BRD10: variants seen among roughly 807,000 people sequenced by gnomAD.
BRD10 encodes the protein uncharacterized bromodomain-containing protein 10.
chr9:5,975,826 T>G, the BRD10 span, among the ~76,000 whole-genome samples: 2 of 152,090 alleles, frequency 1.3e-5, no homozygotes, highest in Non-Finnish European at 2.9e-5. Context: ...AAAAAATACA[T>G]TATAAAAACA....
chr9:6,008,028 C>T, the BRD10 span: 2 of 1,182,434 alleles, frequency 1.7e-6, no homozygotes, highest in Non-Finnish European at 2.1e-6. Flanking sequence ...AGGTGCCCTC[C>T]TCTCCCCTCC....
the BRD10 span, among the ~76,000 whole-genome samples, chr9:5,928,506 T>C: frequency 6.6e-6 from 1 of 152,222 alleles, no homozygotes; most frequent in African/African-American, 2.4e-5. Context: ...TCTCTGACTC[T>C]TGCCTGTTAC....
the BRD10 span, among the ~76,000 whole-genome samples, chr9:5,976,873 C>G: frequency 6.6e-6 from 1 of 151,880 alleles, no homozygotes; most frequent in Non-Finnish European, 1.5e-5. Flanking sequence ...GTTACATGTT[C>G]TGCAGAAGTG....
chr9:5,923,243 G>A, the BRD10 span: 1 of 1,613,666 alleles, frequency 6.2e-7, no homozygotes, highest in Non-Finnish European at 8.5e-7. Flanking sequence ...GTCTTTTGAA[G>A]GCAATTCCTT....
the BRD10 span, chr9:6,008,279 A>T: frequency 1.0e-6 from 1 of 982,058 alleles, no homozygotes; most frequent in Non-Finnish European, 1.2e-6. Context: ...GCCCCCCTCT[A>T]CCTGCGGGGG....
chr9:5,957,143 G>C, the BRD10 span, among the ~76,000 whole-genome samples: 1 of 152,106 alleles, frequency 6.6e-6, no homozygotes, highest in Non-Finnish European at 1.5e-5. Context: ...CCTGCTGTGT[G>C]TCAGATACTT....
the BRD10 span, among the ~76,000 whole-genome samples, chr9:5,915,086 G>C: frequency 6.6e-6 from 1 of 152,082 alleles, no homozygotes; most frequent in African/African-American, 2.4e-5. Context: ...GTAACACTTT[G>C]TTCATGATAT....
chr9:5,969,853 G>C, the BRD10 span, among the ~76,000 whole-genome samples: 1 of 151,948 alleles, frequency 6.6e-6, no homozygotes, highest in Admixed American at 6.6e-5. Context: ...GCCTGCCCTA[G>C]TTTTAAATAT....
At chr9:5,920,751 G>C in the BRD10 span, 1 of 1,613,796 alleles carries the variant, frequency 6.2e-7, no homozygotes, top group Non-Finnish European at 8.5e-7. Flanking sequence ...GCAGGTGTAG[G>C]TAAGGCAACC....
chr9:5,955,599 C>G, the BRD10 span, among the ~76,000 whole-genome samples: 1 of 150,634 alleles, frequency 6.6e-6, no homozygotes, highest in African/African-American at 2.5e-5. Flanking sequence ...ACTTTTGGCT[C>G]AATGAAATCC....
the BRD10 span, among the ~76,000 whole-genome samples, chr9:5,978,629 T>C: frequency 6.6e-6 from 1 of 152,126 alleles, no homozygotes; most frequent in Admixed American, 6.6e-5. Flanking sequence ...TAAGGATTAG[T>C]AGGGAGCTTA....
chr9:5,936,252 A>G, the BRD10 span, among the ~76,000 whole-genome samples: 5 of 152,272 alleles, frequency 3.3e-5, no homozygotes, highest in Non-Finnish European at 5.9e-5. Context: ...GCTACTGGGG[A>G]GGCTGAGGTG....
At chr9:5,904,958 AGAGAT>A in the BRD10 span, among the ~76,000 whole-genome samples, 4 of 151,784 alleles carry the variant, frequency 2.6e-5, no homozygotes, top group East Asian at 7.8e-4. Flanking sequence ...TATTTATAGT[AGAGAT>A]GTCATTTCAC....
the BRD10 span, among the ~76,000 whole-genome samples, chr9:5,958,156 A>C: frequency 1.4e-4 from 22 of 152,204 alleles, no homozygotes; most frequent in African/African-American, 5.1e-4. Context: ...CTTAGTAATT[A>C]ATGTTACAAA....
At chr9:5,945,689 AC>A in the BRD10 span, among the ~76,000 whole-genome samples, 2 of 152,116 alleles carry the variant, frequency 1.3e-5, no homozygotes, top group East Asian at 3.8e-4. Context: ...AACAACAGTA[AC>A]AAAAATATTA....
At chr9:6,005,094 A>G in the BRD10 span, among the ~76,000 whole-genome samples, 13 of 152,264 alleles carry the variant, frequency 8.5e-5, no homozygotes, top group Admixed American at 3.3e-4. Context: ...CTAAATATGG[A>G]TACTATTAGA....
chr9:5,922,965 C>T, the BRD10 span: 5 of 1,613,878 alleles, frequency 3.1e-6, no homozygotes, highest in South Asian at 5.5e-5. Flanking sequence ...ATATTCTTTG[C>T]AAGCAAAGCC....
At chr9:5,981,876 T>A in the BRD10 span, among the ~76,000 whole-genome samples, 1 of 152,004 alleles carries the variant, frequency 6.6e-6, no homozygotes, top group Middle Eastern at 3.2e-3. Flanking sequence ...GATACGTAAA[T>A]AAATGGAAAC....
the BRD10 span, among the ~76,000 whole-genome samples, chr9:5,935,420 C>T: frequency 1.3e-5 from 2 of 152,180 alleles, no homozygotes; most frequent in African/African-American, 2.4e-5. Context: ...GGTCACATTC[C>T]TGGTAAGGTA....
Sources: gnomAD v4.1 joint callset for allele counts (sites outside exome capture counted in the v4.1 genomes callset) on GRCh38, gnomAD v4.1.1 for gene constraint, MANE v1.5 for transcripts, NCBI Gene and HGNC (gene_info 2026-07-23, HGNC 2026-07-21) for gene names.